The following SQOR variants were observed in gnomAD, a reference collection of about 807,000 sequenced individuals.
SQOR encodes sulfide:quinone oxidoreductase, mitochondrial.
In SQOR, 39 loss-of-function variants were observed where a neutral mutation model predicts 48.6. The observed-to-expected ratio is 0.80, with a 90% CI of 0.62 to 1.05. SQOR has a LOEUF of 1.05. Ranked by LOEUF, SQOR falls within the 50% of genes least tolerant of loss-of-function variation. The pLI is 0.00. For synonymous variants in SQOR, 220 were observed against 206.2 expected (o/e 1.07, Z -0.57); for missense variants, 561 against 559.9 (o/e 1.00, Z -0.02).
At position 45,688,410 on chromosome 15, in the gene SQOR, T is replaced by C. The variant is rs763379709; in HGVS notation, c.1116+6T>C. 11 of 1,588,776 alleles carry C rather than the reference T, an allele frequency of 6.9e-6. No individual in the cohort carries two copies. Among genetic ancestry groups the C allele is most frequent in the South Asian group, 4.5e-5 (4 of 88,266 alleles). ...ATCAAACACCAACAAAGAAGGTTTG[T>C]ATGCCTTGTAAGAATCACTGTCTCA... On this transcript the variant is annotated splice_donor_region_variant and intron_variant, in intron 8 of 9. Transcript: ENST00000260324.
chr15:45,654,505 T>C (rs928850426), intron 1 of SQOR, among the ~76,000 whole-genome samples: 41 of 152,310 alleles, frequency 2.7e-4, no homozygotes, highest in African/African-American at 9.6e-4. Flanking sequence ...GGATAATTAA[T>C]GAAATAAAGC....
At chr15:45,645,409 A>G (rs1895186524) in intron 1 of SQOR, among the ~76,000 whole-genome samples, 2 of 152,144 alleles carry the variant, frequency 1.3e-5, no homozygotes, top group African/African-American at 4.8e-5. Flanking sequence ...AATTTGGTCA[A>G]ACGGTATTCT....
chr15:45,682,416 G>A (rs1014859501), intron 6 of SQOR, 62 bp from the exon 7 acceptor site: 1 of 1,566,458 alleles, frequency 6.4e-7, no homozygotes, highest in Non-Finnish European at 8.7e-7. Context: ...GGTAGGGGGA[G>A]AGCTTGTGGA....
intron 1 of SQOR, among the ~76,000 whole-genome samples, chr15:45,651,104 C>G (rs1043517495): frequency 6.6e-6 from 1 of 152,198 alleles, no homozygotes; most frequent in Non-Finnish European, 1.5e-5. Context: ...GGGAGCCCAC[C>G]GCTGGGGGGC....
At chr15:45,643,248 T>G (rs1384715619) in intron 1 of SQOR, among the ~76,000 whole-genome samples, 1 of 152,018 alleles carries the variant, frequency 6.6e-6, no homozygotes, top group Admixed American at 6.6e-5. Flanking sequence ...CAGGCTGGAG[T>G]GTAGTGGTGC....
chr15:45,675,090 C>G (rs1431582716), intron 5 of SQOR, among the ~76,000 whole-genome samples: 2 of 152,138 alleles, frequency 1.3e-5, no homozygotes, highest in Non-Finnish European at 2.9e-5. Flanking sequence ...CTGGCACAGC[C>G]TTTTGAGACA....
intron 1 of SQOR, among the ~76,000 whole-genome samples, chr15:45,657,407 A>G (rs1217842523): frequency 1.3e-5 from 2 of 152,038 alleles, no homozygotes; most frequent in African/African-American, 4.8e-5. Flanking sequence ...ATTTCCTTAG[A>G]TTAGATTCCT....
At chr15:45,681,934 T>C (rs1229373299) in intron 6 of SQOR, among the ~76,000 whole-genome samples, 2 of 152,136 alleles carry the variant, frequency 1.3e-5, no homozygotes, top group African/African-American at 4.8e-5. Flanking sequence ...TACCACCCCT[T>C]TTCATCTTAA....
At position 45,669,999 on chromosome 15, in the gene SQOR, T is replaced by C. The variant is rs1889910174; in HGVS notation, c.459+18T>C. 6.2e-7 allele frequency: 1 copy of C among 1,612,838 alleles called. No homozygotes were observed. Among genetic ancestry groups the C allele is most frequent in the Non-Finnish European group, 8.5e-7 (1 of 1,178,958 alleles). ...ATGAGAAGGTACCGTGTGAAACTGT[T>C]TCTGTGTTACGCTGGCTTATCTATG... On this transcript the variant is annotated intron_variant, in intron 4 of 9. Coordinates refer to ENST00000260324, the MANE Select transcript of SQOR (RefSeq NM_021199.4).
At chr15:45,635,525 A>G (rs1894987375) in intron 1 of SQOR, among the ~76,000 whole-genome samples, 2 of 152,070 alleles carry the variant, frequency 1.3e-5, no homozygotes, top group Non-Finnish European at 2.9e-5. Context: ...ATCCACCGAC[A>G]CTGCGCGTGG....
rs185252581 is a variant in SQOR at position 45,676,246 on chromosome 15, G to A, written c.800G>A (p.Arg267Gln). 1.5e-5 allele frequency: 24 copies of A among 1,614,110 alleles called. No individual in the cohort carries two copies. Among genetic ancestry groups the A allele is most frequent in the African/African-American group, 8.0e-5 (6 of 75,040 alleles). Residue 267 changes from arginine (R) to glutamine (Q), a missense_variant, in exon 6 of 10, where the codon CGA (arginine) becomes CAA (glutamine). Physicochemically the swap from Arg to Gln is conservative, Grantham distance 43. Transcript: ENST00000260324. The stretch of plus-strand genomic sequence containing the variant: ...TACAAGAAAAACCTCATTGAAGTCC[G>A]AGCCGATAAACAAGAGGCTGTATTT... ...VNYKKNLIEV[R>Q]ADKQEAVFEN...
intron 6 of SQOR, 56 bp from the exon 7 acceptor site, chr15:45,682,422 G>T: frequency 6.3e-7 from 1 of 1,584,744 alleles, no homozygotes; most frequent in Admixed American, 1.7e-5. Context: ...GGGAGAGCTT[G>T]TGGAGCTGTA....
intron 2 of SQOR, 52 bp downstream of exon 2, chr15:45,659,209 TGA>T (rs1491315045): frequency 1.2e-3 from 1,489 of 1,265,862 alleles, no homozygotes; most frequent in East Asian, 7.0e-3. Flanking sequence ...TGTGTGTGTG[TGA>T]GTGTGTGTGT....
At chr15:45,657,056 T>C (rs660370) in intron 1 of SQOR, among the ~76,000 whole-genome samples, 103,456 of 152,018 alleles carry the variant, frequency 0.68, 35,292 homozygotes, top group Admixed American at 0.75. Context: ...GATCCACCTG[T>C]CTTGGCCTCC....
Position 45,673,640 on chromosome 15 carries a change from A to C in SQOR, c.493A>C (p.Lys165Gln), listed in dbSNP as rs1398847995. 5.6e-6 allele frequency: 9 copies of C among 1,614,040 alleles called. No individual in the cohort carries two copies. The highest frequency in any genetic ancestry group is 7.6e-6 in the Non-Finnish European group (9 of 1,180,006). ...CCTACCTGAAGGTTTCGCTCATCCC[A>C]AAATAGGGTCGAATTATTCAGTTAA... ...KGLPEGFAHP[K>Q]IGSNYSVKTV... Residue 165 changes from lysine (K) to glutamine (Q), a missense_variant, in exon 5 of 10, where the codon AAA becomes CAA. By Grantham distance (53) the Lys-to-Gln change is moderately conservative (BLOSUM62 1). Transcript: ENST00000260324.
intron 1 of SQOR, 68 bp from the exon 2 acceptor site, chr15:45,658,839 A>C: frequency 7.9e-7 from 1 of 1,273,600 alleles, no homozygotes; most frequent in Non-Finnish European, 1.0e-6. Flanking sequence ...TTCCTCCTGG[A>C]AAGAAAACGC....
chr15:45,648,766 C>T (rs1408767177), intron 1 of SQOR, among the ~76,000 whole-genome samples: 1 of 152,122 alleles, frequency 6.6e-6, no homozygotes, highest in Non-Finnish European at 1.5e-5. Context: ...AAGCTTGGGC[C>T]AGGTCTGGCG....
intron 1 of SQOR, among the ~76,000 whole-genome samples, chr15:45,648,817 T>C (rs1889404350): frequency 6.6e-6 from 1 of 152,262 alleles, no homozygotes; most frequent in African/African-American, 2.4e-5. Context: ...CACTGTTTAA[T>C]GATTAGACTG....
chr15:45,683,104 C>A (rs182170467), intron 7 of SQOR, among the ~76,000 whole-genome samples: 65 of 151,716 alleles, frequency 4.3e-4, no homozygotes, highest in Non-Finnish European at 3.8e-4. Flanking sequence ...CAAAAAATAC[C>A]TTTTGAGTGC....
Sources: gnomAD v4.1 joint callset for allele counts (sites outside exome capture counted in the v4.1 genomes callset) on GRCh38, gnomAD v4.1.1 for gene constraint, MANE v1.5 for transcripts, NCBI Gene and HGNC (gene_info 2026-07-23, HGNC 2026-07-21) for gene names.